Variants in GNG11 observed in about 807,000 individuals in gnomAD.
The protein encoded by GNG11 is guanine nucleotide-binding protein G(I)/G(S)/G(O) subunit gamma-11.
A neutral mutation model predicts 7.4 loss-of-function variants in GNG11; 6 were observed. That is an observed-to-expected ratio of 0.81 (90% CI 0.44 to 1.60). GNG11 has a LOEUF of 1.60. Among genes scored for constraint, GNG11 ranks in the 40% most tolerant of loss-of-function variants. The pLI, the probability that GNG11 is intolerant of heterozygous loss-of-function variation, is 0.01. For synonymous variants in GNG11, 31 were observed against 25.9 expected, an observed-to-expected ratio of 1.20 and a Z score of -0.60; for missense variants, 65 against 83.0, an observed-to-expected ratio of 0.78 and a Z score of 0.84.
At position 93,927,215 on chromosome 7, in the gene GNG11, G is replaced by A. The variant is rs931690585; in HGVS notation, c.*999G>A. Reference sequence around the variant, plus strand: ...CTTCATATATTCTGGCCATTTATTCGTGTTTGGTGATATGTGTTGCGAATA... The same window carrying A: ...CTTCATATATTCTGGCCATTTATTCATGTTTGGTGATATGTGTTGCGAATA... On this transcript the variant is annotated 3_prime_UTR_variant, in exon 2 of 2. Coordinates refer to ENST00000248564, the MANE Select transcript of GNG11 (RefSeq NM_004126.4). 5.3e-5 allele frequency: 8 copies of A among 152,174 alleles called. No individual in the cohort carries two copies. The highest frequency in any genetic ancestry group is 2.1e-4 in the South Asian group (1 of 4,820). The allele number at this position is 152,174 out of a possible 1,614,324, so 9.4% of individuals were successfully genotyped here. A position where few individuals can be genotyped will look rare whatever the true frequency, so the allele number is the denominator to read the frequency against.
Position 93,924,705 on chromosome 7 carries a change from A to G in GNG11, c.97-1386A>G, listed in dbSNP as rs565749741. On this transcript the variant is annotated intron_variant, in intron 1 of 1. Coordinates refer to ENST00000248564, the MANE Select transcript of GNG11 (RefSeq NM_004126.4). Reference sequence around the variant, plus strand: ...TATGTTTTATAATTTTGCATGATGTATTAACAAAGCAGTGTCTGTACTTAT... The same window carrying G: ...TATGTTTTATAATTTTGCATGATGTGTTAACAAAGCAGTGTCTGTACTTAT... Among the ~76,000 whole-genome samples, 3 of 152,356 alleles carry G rather than the reference A, an allele frequency of 2.0e-5. No homozygotes were observed. In the East Asian group the frequency reaches 5.8e-4, roughly 29 times the overall value.
intron 1 of GNG11, among the ~76,000 whole-genome samples, chr7:93,924,424 A>G (rs1794650089): frequency 6.6e-6 from 1 of 152,230 alleles, no homozygotes; most frequent in African/African-American, 2.4e-5. Context: ...GTGCATTATC[A>G]ACTCTAAAAA....
rs1468795398 is a variant in GNG11 at position 93,924,910 on chromosome 7, A to AG, written c.97-1181_97-1180insG. Among the ~76,000 whole-genome samples, 26 of 152,326 alleles carry AG rather than the reference A, an allele frequency of 1.7e-4. No homozygotes were observed. The East Asian group carries it at 4.8e-3, about 28-fold the overall frequency. On this transcript the variant is annotated intron_variant, in intron 1 of 1. Transcript: ENST00000248564. The stretch of plus-strand genomic sequence containing the variant: ...CCTGGCGCGGTGTCCCACGCCTGTA[A>AG]TCCCAGCACTTTGGGAGGCCAAGGC...
chr7:93,923,447 A>G (rs746277923), intron 1 of GNG11, among the ~76,000 whole-genome samples: 9 of 152,236 alleles, frequency 5.9e-5, no homozygotes, highest in Admixed American at 3.3e-4. Flanking sequence ...TAAAGGGGAA[A>G]AAAAGGAAGT....
chr7:93,922,248 C>G lies in GNG11; in HGVS notation c.96+15C>G, dbSNP rs369739020. The G allele has an allele frequency of 1.4e-6, 2 of 1,457,162 alleles. No individual in the cohort carries two copies. Among genetic ancestry groups the G allele is most frequent in the East Asian group, 2.4e-5 (1 of 42,420 alleles). The allele number at this position is 1,457,162 out of a possible 1,614,324, so 90.3% of individuals were successfully genotyped here. On this transcript the variant is annotated intron_variant, in intron 1 of 1. Transcript: ENST00000248564. ...AGAGACAACAAGTAAGTTGGCTGTT[C>G]CGGAATATTTCCTTCTCTGAAATGA...
In GNG11 at chr7:93,922,155, C is replaced by G. The variant is rs370141216; in HGVS notation, c.18C>G (p.Ile6Met). 3 of 1,592,430 alleles carry G rather than the reference C, an allele frequency of 1.9e-6. No homozygotes were observed. Among genetic ancestry groups the G allele is most frequent in the Admixed American group, 1.7e-5 (1 of 59,120 alleles). MPALH[I>M]EDLPEKEKLK... is the part of the protein sequence containing the mutation. ...GGGCGAAAATGCCTGCCCTTCACATCGAAGATTTGCCAGAGAAGGAAAAAC... is the reference window on the plus strand; with the variant it reads ...GGGCGAAAATGCCTGCCCTTCACATGGAAGATTTGCCAGAGAAGGAAAAAC... The change falls in exon 1 of 2, where the codon ATC (isoleucine) becomes ATG (methionine). Residue 6 changes from isoleucine (I) to methionine (M), a missense_variant. Transcript: ENST00000248564.
chr7:93,922,112 A>G lies in GNG11; in HGVS notation c.-26A>G. The G allele has an allele frequency of 4.0e-6, 6 of 1,484,532 alleles. No homozygotes were observed. The highest frequency in any genetic ancestry group is 5.6e-6 in the Non-Finnish European group (6 of 1,076,804). 92.0% of individuals were successfully genotyped at this position (1,484,532 alleles called of 1,614,324 possible). On this transcript the variant is annotated 5_prime_UTR_variant, in exon 1 of 2. Transcript: ENST00000248564. ...TTCCAGCGGCTCCGCTGCCAGAGCT[A>G]GCCCGAGCCCGGTTCTGGGGCGAAA...
chr7:93,925,969 A>G (rs903544546), intron 1 of GNG11, 122 bp from the exon 2 acceptor site: 2 of 370,120 alleles, frequency 5.4e-6, no homozygotes, highest in Non-Finnish European at 9.8e-6. Context: ...GCACATATAT[A>G]TGTAAATGTA....
In GNG11 at chr7:93,928,205, A is replaced by T. The variant is rs1050583387; in HGVS notation, c.*1989A>T. ...CTGATTTCTATTAGCACATTCAGCT[A>T]TCCATTTGTGTACACTCCCAAGTCC... On this transcript the variant is annotated 3_prime_UTR_variant, in exon 2 of 2. Transcript: ENST00000248564. The T allele has an allele frequency of 6.6e-5, 10 of 152,158 alleles. No homozygotes were observed. The highest frequency in any genetic ancestry group is 2.2e-4 in the African/African-American group (9 of 41,420). The allele number at this position is 152,158 out of a possible 1,614,324, so 9.4% of individuals were successfully genotyped here. A position where few individuals can be genotyped will look rare whatever the true frequency, so the allele number is the denominator to read the frequency against.
chr7:93,927,667 G>A lies in GNG11; in HGVS notation c.*1451G>A, dbSNP rs149299961. The A allele has an allele frequency of 6.6e-6, 1 of 152,220 alleles. No homozygotes were observed. Among genetic ancestry groups the A allele is most frequent in the African/African-American group, 2.4e-5 (1 of 41,526 alleles). The allele number at this position is 152,220 out of a possible 1,614,324, so 9.4% of individuals were successfully genotyped here. ...CTTTCTAAAGTATATCAGCATCCTC[G>A]TTCTGAAATTCCTTTCCTTTCCCTC... On this transcript the variant is annotated 3_prime_UTR_variant, in exon 2 of 2. Coordinates refer to ENST00000248564, the MANE Select transcript of GNG11 (RefSeq NM_004126.4).
intron 1 of GNG11, among the ~76,000 whole-genome samples, chr7:93,922,677 C>T: frequency 6.6e-6 from 1 of 152,104 alleles, no homozygotes; most frequent in East Asian, 1.9e-4. Flanking sequence ...TCACCAGTGG[C>T]CTTCAGTGAT....
rs1794675367 is a variant in GNG11 at position 93,926,066 on chromosome 7, A to G, written c.97-25A>G. 5.7e-6 allele frequency: 8 copies of G among 1,412,346 alleles called. No individual in the cohort carries two copies. The African/African-American group carries it at 7.2e-5, about 13-fold the overall frequency. 87.5% of individuals were successfully genotyped at this position (1,412,346 alleles called of 1,614,324 possible). A position where few individuals can be genotyped will look rare whatever the true frequency, so the allele number is the denominator to read the frequency against. ...AGTTTAAACAACCCTAACCTAATGTATTCTCTTTTTTTTCTATACTTAAGG... is the reference window on the plus strand; with the variant it reads ...AGTTTAAACAACCCTAACCTAATGTGTTCTCTTTTTTTTCTATACTTAAGG... On this transcript the variant is annotated intron_variant, in intron 1 of 1. Transcript: ENST00000248564.
Position 93,926,389 on chromosome 7 carries a change from T to C in GNG11, c.*173T>C. Reference sequence around the variant, plus strand: ...ATATGTGCTACTCATCTTTGCTCACTATGCAGTCTTTTTTAAGAGAGCAGA... The same window carrying C: ...ATATGTGCTACTCATCTTTGCTCACCATGCAGTCTTTTTTAAGAGAGCAGA... On this transcript the variant is annotated 3_prime_UTR_variant, in exon 2 of 2. Transcript: ENST00000248564. 1 of 418,724 alleles carries C rather than the reference T, an allele frequency of 2.4e-6. No homozygotes were observed. Among genetic ancestry groups the C allele is most frequent in the Non-Finnish European group, 4.3e-6 (1 of 233,674 alleles). 25.9% of individuals were successfully genotyped at this position (418,724 alleles called of 1,614,324 possible).
chr7:93,923,371 G>A (rs1015379478), intron 1 of GNG11, among the ~76,000 whole-genome samples: 1 of 152,016 alleles, frequency 6.6e-6, no homozygotes, highest in Non-Finnish European at 1.5e-5. Flanking sequence ...GCTCTTCCTA[G>A]CTTTTATAAT....
rs1794617176 is a variant in GNG11, at chr7:93,922,002, G to C, written c.-136G>C. 15 of 504,022 alleles carry C rather than the reference G, an allele frequency of 3.0e-5. No individual in the cohort carries two copies. The East Asian group carries it at 4.9e-4, about 16-fold the overall frequency. 31.2% of individuals were successfully genotyped at this position (504,022 alleles called of 1,614,324 possible). Reference sequence around the variant, plus strand: ...CCAAGCCCTCGGGGAGCTGGGGACCGCAGCAGGGCTGCAGTCACATCCTGC... The same window carrying C: ...CCAAGCCCTCGGGGAGCTGGGGACCCCAGCAGGGCTGCAGTCACATCCTGC... On this transcript the variant is annotated 5_prime_UTR_variant, in exon 1 of 2. Transcript: ENST00000248564.
intron 1 of GNG11, among the ~76,000 whole-genome samples, chr7:93,922,637 T>C (rs1476670644): frequency 6.6e-6 from 1 of 152,234 alleles, no homozygotes; most frequent in African/African-American, 2.4e-5. Flanking sequence ...TATTTTAAAG[T>C]CTTACAAGTA....
chr7:93,922,234 G>A lies in GNG11; in HGVS notation c.96+1G>A, dbSNP rs899237029. 3.2e-6 allele frequency: 5 copies of A among 1,544,084 alleles called. No homozygotes were observed. Among genetic ancestry groups the A allele is most frequent in the Non-Finnish European group, 4.4e-6 (5 of 1,126,208 alleles). ...AGAAGTGAAGTTGCAGAGACAACAA[G>A]TAAGTTGGCTGTTCCGGAATATTTC... On this transcript the variant is annotated splice_donor_variant, in intron 1 of 1. Transcript: ENST00000248564. LOFTEE classifies it high-confidence loss of function.
At chr7:93,922,435 A>G (rs1794627671) in intron 1 of GNG11, among the ~76,000 whole-genome samples, 2 of 152,278 alleles carry the variant, frequency 1.3e-5, no homozygotes, top group South Asian at 4.1e-4. Context: ...CAAGGATCTG[A>G]TAAGTAATTT....
intron 1 of GNG11, among the ~76,000 whole-genome samples, chr7:93,923,902 G>A (rs576648710): frequency 6.6e-6 from 1 of 152,254 alleles, no homozygotes; most frequent in African/African-American, 2.4e-5. Context: ...AATACAGAAA[G>A]AGGCATCTAA....
Sources: allele counts gnomAD v4.1 joint callset (sites outside exome capture counted in the v4.1 genomes callset), GRCh38; gene constraint gnomAD v4.1.1; transcripts MANE v1.5; gene names NCBI Gene and HGNC (gene_info 2026-07-23, HGNC 2026-07-21).